The following TAFA2 variants were observed in gnomAD, a reference collection of about 807,000 sequenced individuals.
The protein encoded by TAFA2 is TAFA chemokine like family member 2, also known as chemokine-like protein TAFA-2.
TAFA2 carries 7 observed loss-of-function variants against 18.8 expected under a neutral mutation model. The ratio of observed to expected loss-of-function variants is 0.37; its 90% CI spans 0.21 to 0.70. The LOEUF (loss-of-function observed/expected upper bound fraction) is 0.70, where lower values mean the gene tolerates loss of function less well. Ranked by LOEUF, TAFA2 falls within the 30% of genes least tolerant of loss-of-function variation. TAFA2 has a pLI of 0.53. For synonymous variants in TAFA2, 60 were observed against 54.2 expected (o/e 1.11, Z -0.47); for missense variants, 122 against 158.1 (o/e 0.77, Z 1.23).
intron 4 of TAFA2, among the ~76,000 whole-genome samples, chr12:61,745,450 G>A (rs555404723): frequency 5.3e-5 from 8 of 151,748 alleles, no homozygotes; most frequent in Admixed American, 6.6e-5. Context: ...CCTCTGCCTG[G>A]ATAGCTTGTC....
At chr12:61,752,141 C>CA (rs1437874867) in intron 4 of TAFA2, among the ~76,000 whole-genome samples, 13 of 151,958 alleles carry the variant, frequency 8.6e-5, no homozygotes, top group Middle Eastern at 3.2e-3. Context: ...TTGGTTTACT[C>CA]ATCTGTAAAA....
At chr12:61,792,568 A>T (rs1411309865) in intron 2 of TAFA2, among the ~76,000 whole-genome samples, 2 of 151,654 alleles carry the variant, frequency 1.3e-5, no homozygotes, top group Non-Finnish European at 3.0e-5. Flanking sequence ...AAATATGAAG[A>T]CACAAATAGG....
intron 1 of TAFA2, among the ~76,000 whole-genome samples, chr12:62,179,817 C>T (rs1213504078): frequency 6.6e-6 from 1 of 152,164 alleles, no homozygotes; most frequent in East Asian, 1.9e-4. Flanking sequence ...TGGCTCCCTA[C>T]CTGATAATTC....
intron 2 of TAFA2, among the ~76,000 whole-genome samples, chr12:61,847,137 T>C (rs1565654673): frequency 6.6e-6 from 1 of 152,234 alleles, no homozygotes; most frequent in Non-Finnish European, 1.5e-5. Context: ...TTTTACTTTT[T>C]TGTTCAACGT....
At chr12:62,106,724 C>G (rs780479584) in intron 1 of TAFA2, among the ~76,000 whole-genome samples, 1 of 152,194 alleles carries the variant, frequency 6.6e-6, no homozygotes, top group Non-Finnish European at 1.5e-5. Context: ...CTCCAACACT[C>G]GCCCCTAACA....
At chr12:61,826,463 ATGC>A (rs1872540257) in intron 2 of TAFA2, among the ~76,000 whole-genome samples, 1 of 152,036 alleles carries the variant, frequency 6.6e-6, no homozygotes, top group African/African-American at 2.4e-5. Flanking sequence ...AATCTGAGAA[ATGC>A]AGAATGACAA....
chr12:62,151,149 T>C (rs1417147933), intron 1 of TAFA2, among the ~76,000 whole-genome samples: 1 of 152,228 alleles, frequency 6.6e-6, no homozygotes. Context: ...CACCATCACC[T>C]TCTTTTAGGC....
At chr12:61,819,561 A>G (rs12423291) in intron 2 of TAFA2, among the ~76,000 whole-genome samples, 47,295 of 151,960 alleles carry the variant, frequency 0.31, 7,574 homozygotes, top group South Asian at 0.39. Flanking sequence ...TAGATACTGC[A>G]TTATCATTCC....
chr12:61,930,929 G>A (rs1877528255), intron 1 of TAFA2, among the ~76,000 whole-genome samples: 1 of 152,154 alleles, frequency 6.6e-6, no homozygotes, highest in South Asian at 2.1e-4. Flanking sequence ...GAAGTAATTT[G>A]GTGCCAACAT....
intron 2 of TAFA2, among the ~76,000 whole-genome samples, chr12:61,852,371 C>A (rs1176623732): frequency 6.6e-6 from 1 of 152,056 alleles, no homozygotes; most frequent in Non-Finnish European, 1.5e-5. Flanking sequence ...GACTGGCTTG[C>A]ACAACAGGGA....
intron 1 of TAFA2, chr12:61,879,906 T>A (rs1162169834): frequency 1.1e-6 from 1 of 911,886 alleles, no homozygotes; most frequent in Middle Eastern, 3.0e-4. Flanking sequence ...GAATTTGTCC[T>A]CATCGAGAAG....
At chr12:61,881,915 A>G (rs1164816032) in intron 1 of TAFA2, among the ~76,000 whole-genome samples, 1 of 151,826 alleles carries the variant, frequency 6.6e-6, no homozygotes, top group Non-Finnish European at 1.5e-5. Flanking sequence ...TCTGACTTGA[A>G]TCAGAAAAAA....
intron 1 of TAFA2, among the ~76,000 whole-genome samples, chr12:62,190,224 C>T (rs546220186): frequency 1.4e-4 from 22 of 152,112 alleles, no homozygotes; most frequent in Non-Finnish European, 2.6e-4. Flanking sequence ...GCCTCGCGTC[C>T]ACCCAAAGGC....
chr12:62,164,129 C>T (rs1402010561), intron 1 of TAFA2, among the ~76,000 whole-genome samples: 2 of 152,006 alleles, frequency 1.3e-5, no homozygotes, highest in Non-Finnish European at 2.9e-5. Flanking sequence ...ATTCAAAGAA[C>T]ATCTGTGCTT....
At chr12:62,025,102 T>C (rs1881269753) in intron 1 of TAFA2, among the ~76,000 whole-genome samples, 1 of 152,210 alleles carries the variant, frequency 6.6e-6, no homozygotes, top group Non-Finnish European at 1.5e-5. Flanking sequence ...TAATTCTCTG[T>C]ATATTTCTCT....
chr12:62,188,349 T>C (rs74670934), intron 1 of TAFA2, among the ~76,000 whole-genome samples: 8,287 of 152,224 alleles, frequency 0.054, 278 homozygotes, highest in African/African-American at 0.084. Flanking sequence ...CCTAATAAAA[T>C]ACTGCAGAAG....
intron 1 of TAFA2, among the ~76,000 whole-genome samples, chr12:61,987,488 T>C (rs1336064172): frequency 1.3e-5 from 2 of 152,208 alleles, no homozygotes; most frequent in Admixed American, 6.5e-5. Context: ...GTACAATTTG[T>C]GTTTTCCCTT....
chr12:62,013,659 A>C (rs754129412), intron 1 of TAFA2, among the ~76,000 whole-genome samples: 1 of 152,234 alleles, frequency 6.6e-6, no homozygotes, highest in Non-Finnish European at 1.5e-5. Flanking sequence ...GTACAGAATC[A>C]TTTAATGAAC....
At chr12:62,111,841 T>C (rs1869746096) in intron 1 of TAFA2, among the ~76,000 whole-genome samples, 3 of 152,354 alleles carry the variant, frequency 2.0e-5, no homozygotes, top group Non-Finnish European at 4.4e-5. Context: ...ATTTGCTTGG[T>C]AAATAATCCT....
Sources: gnomAD v4.1 joint callset for allele counts (sites outside exome capture counted in the v4.1 genomes callset) on GRCh38, gnomAD v4.1.1 for gene constraint, MANE v1.5 for transcripts, NCBI Gene and HGNC (gene_info 2026-07-23, HGNC 2026-07-21) for gene names.